JCAD: variants seen among roughly 807,000 people sequenced by gnomAD.
JCAD encodes junctional cadherin 5 associated, also known as junctional cadherin 5-associated protein.
A neutral mutation model predicts 98.0 loss-of-function variants in JCAD; 40 were observed. The observed-to-expected ratio is 0.41, with a 90% confidence interval of 0.32 to 0.53. The LOEUF is 0.53. Among genes scored for constraint, JCAD ranks in the 20% least tolerant of loss-of-function variants. The probability of loss-of-function intolerance (pLI) is 0.31; values close to 1 mark genes in which losing one functional copy is unlikely to be tolerated. For missense variants in JCAD, 1,705 were observed against 1,738.1 expected, an observed-to-expected ratio of 0.98 and a Z score of 0.34; for synonymous variants, 691 against 682.3, an observed-to-expected ratio of 1.01 and a Z score of -0.20.
intron 1 of JCAD, among the ~76,000 whole-genome samples, chr10:30,071,527 G>A (rs1031404914): frequency 3.3e-5 from 5 of 152,248 alleles, no homozygotes; most frequent in South Asian, 4.2e-4. Context: ...AGTTAAGGCC[G>A]GGTGCAGTGG....
chr10:30,068,030 T>C (rs1400770138), intron 2 of JCAD, among the ~76,000 whole-genome samples: 2 of 152,148 alleles, frequency 1.3e-5, no homozygotes, highest in African/African-American at 4.8e-5. Flanking sequence ...ACCACCATCA[T>C]AGATGTGGTC....
At chr10:30,085,675 G>T (rs77367471) in intron 1 of JCAD, among the ~76,000 whole-genome samples, 1,570 of 152,300 alleles carry the variant, frequency 0.01, 24 homozygotes, top group Middle Eastern at 0.054. Context: ...GGTGGGCAGT[G>T]GAGATGGGGA....
intron 3 of JCAD, among the ~76,000 whole-genome samples, chr10:30,021,883 G>A (rs1273091459): frequency 1.3e-5 from 2 of 152,136 alleles, no homozygotes; most frequent in Non-Finnish European, 2.9e-5. Flanking sequence ...ACACATTAAC[G>A]CCCTCAGAGA....
At chr10:30,023,557 C>G (rs770012604) in intron 3 of JCAD, among the ~76,000 whole-genome samples, 80 of 152,244 alleles carry the variant, frequency 5.3e-4, no homozygotes, top group Non-Finnish European at 8.7e-4. Flanking sequence ...TGATGCATTT[C>G]TCAGAGTGCA....
chr10:30,063,281 A>G (rs893595110), upstream of JCAD, among the ~76,000 whole-genome samples: 14 of 152,204 alleles, frequency 9.2e-5, no homozygotes, highest in African/African-American at 2.7e-4. Flanking sequence ...TGGATGCCCA[A>G]TGTCCCCGCC....
chr10:30,092,706 C>A (rs1016260713), intron 1 of JCAD, among the ~76,000 whole-genome samples: 1 of 152,124 alleles, frequency 6.6e-6, no homozygotes. Flanking sequence ...ACGTTCCCAG[C>A]TTTGACTATC....
intron 1 of JCAD, among the ~76,000 whole-genome samples, chr10:30,107,772 A>G (rs149333276): frequency 1.3e-5 from 2 of 152,298 alleles, no homozygotes; most frequent in African/African-American, 4.8e-5. Context: ...ATCTAAATTA[A>G]TGCATGATTG....
chr10:30,088,869 AG>A (rs1378860408), intron 1 of JCAD, among the ~76,000 whole-genome samples: 14 of 152,286 alleles, frequency 9.2e-5, no homozygotes, highest in Non-Finnish European at 1.8e-4. Flanking sequence ...GCTACTTGGG[AG>A]GCTGAGGCAG....
At chr10:30,064,943 T>G (rs1837759466) in intron 2 of JCAD, among the ~76,000 whole-genome samples, 1 of 152,228 alleles carries the variant, frequency 6.6e-6, no homozygotes, top group African/African-American at 2.4e-5. Context: ...GTGCTGGGAT[T>G]ACAGGCGTGA....
At chr10:30,079,666 C>T (rs546425135) in intron 1 of JCAD, among the ~76,000 whole-genome samples, 25 of 152,190 alleles carry the variant, frequency 1.6e-4, no homozygotes, top group African/African-American at 5.3e-4. Context: ...ACAACGTGGC[C>T]ACTCCTACTG....
chr10:30,080,661 C>T (rs961802100), intron 1 of JCAD, among the ~76,000 whole-genome samples: 3 of 152,126 alleles, frequency 2.0e-5, no homozygotes, highest in Admixed American at 2.0e-4. Context: ...CACCCCCAGT[C>T]ATTAGGACAG....
chr10:30,028,538 G>T lies in JCAD; in HGVS notation c.1610C>A (p.Thr537Asn), dbSNP rs1264240782. Residue 537 changes from threonine to asparagine, a missense_variant, in exon 3 of 4, where the codon ACT (threonine) becomes AAT (asparagine). Coordinates refer to ENST00000375377, the MANE Select transcript of JCAD (RefSeq NM_020848.4). ...GTAAGGGGAGGAAACTTGTCTTCCA[G>T]TGTGCCCGTGCTGGCTGCCTCTCAC... The part of the protein sequence containing the change: ...PDVRGSQHGH[T>N]GRQVSSPYSQ... 1 of 1,614,220 alleles carries T rather than the reference G, an allele frequency of 6.2e-7. No individual in the cohort carries two copies. Among genetic ancestry groups the T allele is most frequent in the Non-Finnish European group, 8.5e-7 (1 of 1,180,042 alleles).
At position 30,074,162 on chromosome 10, in the gene JCAD, C is replaced by A. The variant is rs1348891021; in HGVS notation, n.129-4341G>T. Among the ~76,000 whole-genome samples, 3 of 152,138 alleles carry A rather than the reference C, an allele frequency of 2.0e-5. No homozygotes were observed. In the South Asian group the frequency reaches 6.2e-4, roughly 32 times the overall value. On this transcript the variant is annotated intron_variant and non_coding_transcript_variant, in intron 1 of 2. Transcript: ENST00000465712. ...AGTAAATTCGGAGTATTCTTTGAGG[C>A]ATACAGGATACATTTACATCTCCTC... is the stretch of plus-strand genomic sequence containing the variant.
chr10:30,092,263 GA>G (rs1431895558), intron 1 of JCAD, among the ~76,000 whole-genome samples: 2 of 150,948 alleles, frequency 1.3e-5, no homozygotes, highest in Non-Finnish European at 2.9e-5. Flanking sequence ...AGAGGAAGGG[GA>G]GGAGTTTGTC....
At chr10:30,098,071 C>T (rs1322887140) in intron 1 of JCAD, among the ~76,000 whole-genome samples, 1 of 152,110 alleles carries the variant, frequency 6.6e-6, no homozygotes, top group African/African-American at 2.4e-5. Context: ...TCTGGAGAGT[C>T]CAGCTGCTGG....
upstream of JCAD, among the ~76,000 whole-genome samples, chr10:30,063,186 T>C (rs1341345354): frequency 4.0e-5 from 6 of 149,528 alleles, no homozygotes; most frequent in Non-Finnish European, 8.9e-5. Flanking sequence ...TGATGTAAAA[T>C]ATAAACTATG....
At chr10:30,023,684 T>C (rs764727879) in intron 3 of JCAD, among the ~76,000 whole-genome samples, 2 of 151,942 alleles carry the variant, frequency 1.3e-5, no homozygotes, top group Non-Finnish European at 2.9e-5. Flanking sequence ...ATGCATCAGA[T>C]GGAGAGGAGA....
At chr10:30,071,555 A>G (rs1193338324) in intron 1 of JCAD, among the ~76,000 whole-genome samples, 2 of 152,188 alleles carry the variant, frequency 1.3e-5, no homozygotes, top group East Asian at 1.9e-4. Context: ...CTGTAATCCC[A>G]GCACTTTGGG....
chr10:30,027,761 C>A lies in JCAD; in HGVS notation c.2387G>T (p.Gly796Val), dbSNP rs1589680332. 1.2e-6 allele frequency: 2 copies of A among 1,614,242 alleles called. No homozygotes were observed. Among genetic ancestry groups the A allele is most frequent in the African/African-American group, 1.3e-5 (1 of 75,070 alleles). The change falls in exon 3 of 4, where the codon GGG becomes GTG. Residue 796 changes from glycine to valine, a missense_variant. This residue lies in a region of JCAD where 1,278 missense variants were observed against 1,243.1 expected (regional missense o/e 1.03). Coordinates refer to ENST00000375377, the MANE Select transcript of JCAD (RefSeq NM_020848.4). ...CCCCTTCACCACCTCCCGCTTAGGC[C>A]CAGGGTGGGCTCCAAGCCCGTGGAC... ...VDVHGLGAHP[G>V]PKREVVKGEP...
Sources: allele counts gnomAD v4.1 joint callset (sites outside exome capture counted in the v4.1 genomes callset), GRCh38; gene constraint gnomAD v4.1.1; regional missense constraint gnomAD v4.1.1; transcripts MANE v1.5; gene names NCBI Gene and HGNC (gene_info 2026-07-23, HGNC 2026-07-21).